Variants in YARS1 observed in about 807,000 individuals in gnomAD.
YARS1 encodes tyrosyl-tRNA synthetase 1.
YARS1 carries 36 observed loss-of-function variants against 62.2 expected under a neutral mutation model. The observed-to-expected ratio is 0.58, with a 90% confidence interval of 0.44 to 0.76. The LOEUF is 0.76. YARS1 is among the 30% of genes least tolerant of loss of function. The probability of loss-of-function intolerance (pLI) is 0.00; values close to 1 mark genes in which losing one functional copy is unlikely to be tolerated. For synonymous variants in YARS1, 234 were observed against 244.9 expected (o/e 0.96, Z 0.42); for missense variants, 524 against 639.8 (o/e 0.82, Z 1.95).
At chr1:32,801,017 GTTTA>G (rs1638277175) in intron 4 of YARS1, among the ~76,000 whole-genome samples, 1 of 152,098 alleles carries the variant, frequency 6.6e-6, no homozygotes, top group African/African-American at 2.4e-5. Context: ...TCGCTCTGAA[GTTTA>G]TTTCCTTTAT....
At chr1:32,805,937 G>A (rs986405880) in intron 4 of YARS1, among the ~76,000 whole-genome samples, 3 of 152,130 alleles carry the variant, frequency 2.0e-5, no homozygotes, top group African/African-American at 7.2e-5. Flanking sequence ...ACTCCAGCCT[G>A]GGCGACACAG....
chr1:32,812,147 G>A (rs889092943), intron 1 of YARS1, among the ~76,000 whole-genome samples: 1 of 152,142 alleles, frequency 6.6e-6, no homozygotes, highest in African/African-American at 2.4e-5. Flanking sequence ...AGCCTTCCAA[G>A]TAGCTTGGGG....
rs60958989 is a variant in YARS1 at position 32,784,313 on chromosome 1, C to T, written c.907-1774G>A. Among the ~76,000 whole-genome samples, 1,032 of 152,084 alleles carry T rather than the reference C, an allele frequency of 6.8e-3. 15 individuals carry two copies. Among genetic ancestry groups the T allele is most frequent in the African/African-American group, 0.023 (973 of 41,494 alleles). Reference sequence around the variant, plus strand: ...TACAGGTGTGAGCCACCGCACCTGGCGTACATTAACATTTCTAGCAGCTCC... The same window carrying T: ...TACAGGTGTGAGCCACCGCACCTGGTGTACATTAACATTTCTAGCAGCTCC... On this transcript the variant is annotated intron_variant, in intron 8 of 12. Coordinates refer to ENST00000373477, the MANE Select transcript of YARS1 (RefSeq NM_003680.4).
intron 5 of YARS1, among the ~76,000 whole-genome samples, chr1:32,792,887 AAT>A (rs1653459199): frequency 1.3e-5 from 2 of 151,102 alleles, no homozygotes; most frequent in Admixed American, 6.6e-5. Flanking sequence ...CTCAAAAAAA[AAT>A]AAAAATAAAA....
rs189927251 is a variant in YARS1 at position 32,781,051 on chromosome 1, C to A, written c.1137G>T (p.Glu379Asp). The part of the protein sequence containing the change: ...DIRVGKIITV[E>D]KHPDADSLYV... ...AGATGTGGTGAAAAATGAGTACCTTCTCCACAGTGATGATTTTCCCCACAC... is the reference window on the plus strand; with the variant it reads ...AGATGTGGTGAAAAATGAGTACCTTATCCACAGTGATGATTTTCCCCACAC... The change falls in exon 10 of 13, where the codon GAG (glutamate) becomes GAT (aspartate). Residue 379 changes from glutamate to aspartate, a missense_variant. Transcript: ENST00000373477. 3 of 1,613,998 alleles carry A rather than the reference C, an allele frequency of 1.9e-6. No individual in the cohort carries two copies. The highest frequency in any genetic ancestry group is 3.3e-4 in the Middle Eastern group (2 of 6,084).
At chr1:32,780,446 C>G in intron 10 of YARS1, 168 bp from the exon 11 acceptor site, 1 of 731,476 alleles carries the variant, frequency 1.4e-6, no homozygotes, top group East Asian at 2.7e-5. Flanking sequence ...GGAGAATGGG[C>G]TCTGATGGTA....
chr1:32,790,951 C>T, intron 6 of YARS1: 1 of 564,494 alleles, frequency 1.8e-6, no homozygotes, highest in East Asian at 3.0e-5. Flanking sequence ...TTTTTATCAG[C>T]AGCAAAAACC....
chr1:32,775,911 A>G lies in YARS1; in HGVS notation c.*70T>C. On this transcript the variant is annotated 3_prime_UTR_variant, in exon 13 of 13. Transcript: ENST00000373477. ...GTCCTGAGAGATGGGTAAATGGGTG[A>G]TGGATGGAGCAGACTGAAGAGACAG... 7.3e-7 allele frequency: 1 copy of G among 1,365,376 alleles called. No homozygotes were observed. Among genetic ancestry groups the G allele is most frequent in the South Asian group, 1.2e-5 (1 of 85,242 alleles). 84.6% of individuals were successfully genotyped at this position (1,365,376 alleles called of 1,614,324 possible). A position where few individuals can be genotyped will look rare whatever the true frequency, so the allele number is the denominator to read the frequency against.
chr1:32,785,320 G>A (rs1394450790), intron 8 of YARS1, among the ~76,000 whole-genome samples: 1 of 151,994 alleles, frequency 6.6e-6, no homozygotes, highest in East Asian at 2.0e-4. Flanking sequence ...AATTAGCCGG[G>A]TGTGGTGGTG....
At position 32,776,880 on chromosome 1, in the gene YARS1, T is replaced by C. The variant is rs1273620964; in HGVS notation, c.1477-789A>G. On this transcript the variant is annotated intron_variant, in intron 12 of 12. Transcript: ENST00000373477. The surrounding 1 kb of genome is among the most constrained non-coding windows in gnomAD (Gnocchi z 4.0). ...TACTCAGAAGGCTGAGGCAGGAGAA[T>C]CACTTGAACCTGAGAGGAGGAGGTT... is the stretch of plus-strand genomic sequence containing the variant. Among the ~76,000 whole-genome samples the C allele has an allele frequency of 2.6e-5, 4 of 151,746 alleles. No homozygotes were observed. The highest frequency in any genetic ancestry group is 4.8e-5 in the African/African-American group (2 of 41,328).
intron 4 of YARS1, among the ~76,000 whole-genome samples, chr1:32,801,104 G>A (rs1010947779): frequency 2.6e-5 from 4 of 152,158 alleles, no homozygotes; most frequent in Non-Finnish European, 4.4e-5. Context: ...AGGACAGACA[G>A]GTAGAGAAGG....
intron 2 of YARS1, 35 bp downstream of exon 2, chr1:32,810,876 G>A (rs1302386827): frequency 6.2e-7 from 1 of 1,614,028 alleles, no homozygotes; most frequent in East Asian, 2.2e-5. Flanking sequence ...TCTCCCTTGG[G>A]TCATTCCCCA....
intron 4 of YARS1, among the ~76,000 whole-genome samples, chr1:32,805,776 A>C (rs1449703518): frequency 1.3e-5 from 2 of 152,140 alleles, no homozygotes; most frequent in African/African-American, 4.8e-5. Context: ...CCTGGCCAAG[A>C]TGGTGAAACC....
rs183295928 is a variant in YARS1, at chr1:32,777,942, A to G, written c.1476+1440T>C. Among the ~76,000 whole-genome samples the G allele has an allele frequency of 1.4e-4, 21 of 152,108 alleles. No homozygotes were observed. The East Asian group carries it at 4.0e-3, about 29-fold the overall frequency. On this transcript the variant is annotated intron_variant, in intron 12 of 12. Transcript: ENST00000373477. The stretch of plus-strand genomic sequence containing the variant: ...CAGGACTAGGATTTTTTTTTCTCCT[A>G]TATTTTAGATGTTTTCTACCATGAA...
rs539383621 is a variant in YARS1 at position 32,806,179 on chromosome 1, CA to C, written c.510+302del. Among the ~76,000 whole-genome samples the C allele has an allele frequency of 4.5e-4, 68 of 152,102 alleles. No individual in the cohort carries two copies. In the South Asian group the frequency reaches 0.014, roughly 31 times the overall value. On this transcript the variant is annotated intron_variant, in intron 4 of 12. Transcript: ENST00000373477. ...TATACGGGCACAGTTTGTGGTGCCC[CA>C]AAACAATTACAATATTTAACATCAA... is the stretch of plus-strand genomic sequence containing the variant.
intron 5 of YARS1, among the ~76,000 whole-genome samples, chr1:32,796,285 G>A (rs915896190): frequency 1.3e-5 from 2 of 152,026 alleles, no homozygotes; most frequent in Non-Finnish European, 2.9e-5. Flanking sequence ...AACAGTGTGA[G>A]ACTCTGTCTT....
In YARS1 at chr1:32,780,192, G is replaced by T. The variant is rs763636325; in HGVS notation, c.1227C>A (p.Phe409Leu). ...TGTCCTGCAGTTCCTCCTTGGGCAC[G>T]AACTGTACCAGGCCGCTCACCACAG... ...PRTVVSGLVQ[F>L]VPKEELQDRL... The change falls in exon 11 of 13, where the codon TTC (phenylalanine) becomes TTA (leucine). Residue 409 changes from phenylalanine to leucine, a missense_variant. By Grantham distance (22) the Phe-to-Leu change is conservative (BLOSUM62 0). Coordinates refer to ENST00000373477, the MANE Select transcript of YARS1 (RefSeq NM_003680.4). The T allele has an allele frequency of 3.3e-5, 53 of 1,614,006 alleles. No homozygotes were observed. Among genetic ancestry groups the T allele is most frequent in the Non-Finnish European group, 4.1e-5 (48 of 1,180,036 alleles).
At chr1:32,777,376 G>A (rs931092814) in intron 12 of YARS1, among the ~76,000 whole-genome samples, 3 of 152,082 alleles carry the variant, frequency 2.0e-5, no homozygotes, top group Admixed American at 6.5e-5. Context: ...ACTTTGGGAG[G>A]CCCAGGTGGG....
intron 3 of YARS1, among the ~76,000 whole-genome samples, chr1:32,809,572 T>C (rs1638536009): frequency 6.6e-6 from 1 of 151,952 alleles, no homozygotes. Flanking sequence ...GTATCAACAG[T>C]GAGGAATGGT....
Sources: gnomAD v4.1 joint callset for allele counts (sites outside exome capture counted in the v4.1 genomes callset) on GRCh38, gnomAD v4.1.1 for gene constraint, Gnocchi (gnomAD v3.1) non-coding constraint, MANE v1.5 for transcripts, NCBI Gene and HGNC (gene_info 2026-07-23, HGNC 2026-07-21) for gene names.